P2RX7: variants seen among roughly 807,000 people sequenced by gnomAD.
P2RX7 encodes purinergic receptor P2X 7.
Under a neutral mutation model 71.6 loss-of-function variants are expected in P2RX7, and 62 were observed. The ratio of observed to expected loss-of-function variants is 0.87; its 90% CI spans 0.71 to 1.07. The LOEUF is 1.07. Ranked by LOEUF, P2RX7 falls within the 50% of genes least tolerant of loss-of-function variation. The probability of loss-of-function intolerance (pLI) is 0.00; values close to 1 mark genes in which losing one functional copy is unlikely to be tolerated. For synonymous variants in P2RX7, 299 were observed against 283.3 expected, an observed-to-expected ratio of 1.06 and a Z score of -0.56; for missense variants, 686 against 748.5, an observed-to-expected ratio of 0.92 and a Z score of 0.97.
intron 8 of P2RX7, among the ~76,000 whole-genome samples, chr12:121,173,529 C>G (rs1882560388): frequency 6.6e-6 from 1 of 152,124 alleles, no homozygotes; most frequent in Non-Finnish European, 1.5e-5. Context: ...TGGGGCCACA[C>G]CACACCATAC....
chr12:121,167,465 A>G (rs1239860541), intron 7 of P2RX7, 23 bp from the exon 8 acceptor site: 2 of 1,613,224 alleles, frequency 1.2e-6, no homozygotes, highest in African/African-American at 2.7e-5. Flanking sequence ...AGCCATAGAG[A>G]CTGTCCCTTG....
At chr12:121,138,161 T>C (rs1874094452) in intron 1 of P2RX7, among the ~76,000 whole-genome samples, 1 of 152,222 alleles carries the variant, frequency 6.6e-6, no homozygotes, top group African/African-American at 2.4e-5. Flanking sequence ...TATTGGATCA[T>C]GTAACTGGCC....
chr12:121,143,636 G>A (rs1325245008), intron 1 of P2RX7, among the ~76,000 whole-genome samples: 1 of 151,610 alleles, frequency 6.6e-6, no homozygotes. Flanking sequence ...GATCACCTGA[G>A]GTCAGGAGTT....
At chr12:121,174,048 CT>C (rs141344773) in intron 8 of P2RX7, among the ~76,000 whole-genome samples, 24,586 of 73,846 alleles carry the variant, frequency 0.33, 1,803 homozygotes, top group South Asian at 0.49. Context: ...CTTTTCTTTT[CT>C]TTTTTTTTTT....
chr12:121,136,023 A>AAAAAAAAAAAAAAAATATAT, intron 1 of P2RX7, among the ~76,000 whole-genome samples: 9 of 15,262 alleles, frequency 5.9e-4, no homozygotes, highest in South Asian at 5.4e-3. Context: ...AAAAAAAAAA[A>AAAAAAAAAAAAAAAATATAT]ATATATATAT....
In P2RX7 at chr12:121,175,478, C is replaced by G. The variant is rs201681434; in HGVS notation, c.972C>G (p.Thr324=). The change falls in exon 9 of 13, where the codon ACC becomes ACG. Residue 324 remains threonine, a splice_region_variant and synonymous_variant. Coordinates refer to ENST00000328963, the MANE Select transcript of P2RX7 (RefSeq NM_002562.6). ...GIRFDILVFG[T]GGKFDIIQLV... ...GTTTTGACATCCTGGTTTTTGGCACCGTAAGTCTCGTTTCCCAGCTCCGGG... is the reference window on the plus strand; with the variant it reads ...GTTTTGACATCCTGGTTTTTGGCACGGTAAGTCTCGTTTCCCAGCTCCGGG... 8 of 1,268,768 alleles carry G rather than the reference C, an allele frequency of 6.3e-6. No individual in the cohort carries two copies. Among genetic ancestry groups the G allele is most frequent in the Non-Finnish European group, 9.3e-6 (8 of 864,650 alleles). 78.6% of individuals were successfully genotyped at this position (1,268,768 alleles called of 1,614,324 possible). A position where few individuals can be genotyped will look rare whatever the true frequency, so the allele number is the denominator to read the frequency against.
intron 1 of P2RX7, among the ~76,000 whole-genome samples, chr12:121,145,859 G>T (rs1326893893): frequency 6.6e-6 from 1 of 152,084 alleles, no homozygotes; most frequent in Non-Finnish European, 1.5e-5. Context: ...GCATGGAGTG[G>T]TGGTAGGATG....
chr12:121,187,708 A>C lies in P2RX7; in HGVS notation c.*2906A>C, dbSNP rs1168379822. On this transcript the variant is annotated 3_prime_UTR_variant, in exon 13 of 13. Transcript: ENST00000328963. ...TATGTCAGACACGTCCTACAATAAC[A>C]GGCGTCATATTTGTATTATTTTTAG... is the stretch of plus-strand genomic sequence containing the variant. The C allele has an allele frequency of 6.6e-6, 1 of 152,232 alleles. No individual in the cohort carries two copies. The highest frequency in any genetic ancestry group is 2.4e-5 in the African/African-American group (1 of 41,472). 9.4% of individuals were successfully genotyped at this position (152,232 alleles called of 1,614,324 possible). A position where few individuals can be genotyped will look rare whatever the true frequency, so the allele number is the denominator to read the frequency against.
In P2RX7 at chr12:121,187,748, T is replaced by C. The variant is rs1431174617; in HGVS notation, c.*2946T>C. 5.3e-5 allele frequency: 8 copies of C among 152,142 alleles called. No homozygotes were observed. Among genetic ancestry groups the C allele is most frequent in the Non-Finnish European group, 1.2e-4 (8 of 68,016 alleles). 9.4% of individuals were successfully genotyped at this position (152,142 alleles called of 1,614,324 possible). A position where few individuals can be genotyped will look rare whatever the true frequency, so the allele number is the denominator to read the frequency against. The stretch of plus-strand genomic sequence containing the variant: ...ATTATTTTTAGTTTACTGTAGAAAA[T>C]AATGTCACCGCCAAAGGTGATGAGA... On this transcript the variant is annotated 3_prime_UTR_variant, in exon 13 of 13. Coordinates refer to ENST00000328963, the MANE Select transcript of P2RX7 (RefSeq NM_002562.6).
Position 121,160,935 on chromosome 12 carries a change from C to T in P2RX7, c.397C>T (p.Arg133Ter), listed in dbSNP as rs200430009. 8.1e-6 allele frequency: 13 copies of T among 1,613,974 alleles called. No individual in the cohort carries two copies. In the African/African-American group the frequency reaches 9.3e-5, roughly 12 times the overall value. The change falls in exon 4 of 13, where the codon CGA becomes TGA. Residue 133 changes from arginine (R) to a stop codon, truncating the protein, a stop_gained. Transcript: ENST00000328963. LOFTEE classifies it high-confidence loss of function. ...CCGCAGGACGCTCTGTTCCTCTGAC[C>T]GAGGTTGTAAAAAGGGATGGATGGA... is the stretch of plus-strand genomic sequence containing the variant. Reference protein sequence around the residue: ...PTRRTLCSSDRGCKKGWMDPQ... With the variant: ...PTRRTLCSSD
chr12:121,166,021 G>T, intron 6 of P2RX7, 37 bp from the exon 7 acceptor site: 1 of 1,583,478 alleles, frequency 6.3e-7, no homozygotes, highest in Non-Finnish European at 8.6e-7. Context: ...TTTCAATCGA[G>T]ATGTTTGTTT....
At position 121,136,023 on chromosome 12, in the gene P2RX7, A is replaced by AAAAAAAAAAAAAAAAAAAAATATATAT; in HGVS notation, c.125+2929_125+2930insAAAAAAAAAAAAAAAAAAATATATATA. Among the ~76,000 whole-genome samples the AAAAAAAAAAAAAAAAAAAAATATATAT allele has an allele frequency of 2.0e-4, 3 of 15,262 alleles. 1 individual carries two copies. Among genetic ancestry groups the AAAAAAAAAAAAAAAAAAAAATATATAT allele is most frequent in the Non-Finnish European group, 1.8e-4 (1 of 5,448 alleles). The allele number at this position is 15,262 out of a possible 152,430, so 10.0% of individuals were successfully genotyped here. ...TGTCTCAAAAAAAAAAAAAAAAAAA[A>AAAAAAAAAAAAAAAAAAAAATATATAT]ATATATATATATATATATAGTATTT... On this transcript the variant is annotated intron_variant, in intron 1 of 12. Transcript: ENST00000328963.
chr12:121,165,295 G>A (rs1880769281), intron 5 of P2RX7, 62 bp from the exon 6 acceptor site: 1 of 1,303,690 alleles, frequency 7.7e-7, no homozygotes, highest in African/African-American at 1.5e-5. Flanking sequence ...TGGTCCCACT[G>A]GCCCATGGGC....
intron 8 of P2RX7, among the ~76,000 whole-genome samples, chr12:121,173,161 G>A (rs767971407): frequency 6.6e-6 from 1 of 150,856 alleles, no homozygotes; most frequent in Admixed American, 6.6e-5. Flanking sequence ...AGAGGTCAAT[G>A]CCACTCAAAG....
At chr12:121,157,155 T>G (rs1443418459) in intron 3 of P2RX7, among the ~76,000 whole-genome samples, 1 of 152,190 alleles carries the variant, frequency 6.6e-6, no homozygotes, top group Non-Finnish European at 1.5e-5. Flanking sequence ...GTAACGTAAC[T>G]GTGCTGTACC....
chr12:121,156,218 A>G, intron 3 of P2RX7, 71 bp downstream of exon 3: 1 of 1,223,836 alleles, frequency 8.2e-7, no homozygotes, highest in Middle Eastern at 2.2e-4. Flanking sequence ...CGGAAGAAGC[A>G]GAAATGCGGA....
chr12:121,153,884 T>C (rs181900566), intron 1 of P2RX7, among the ~76,000 whole-genome samples: 1 of 152,208 alleles, frequency 6.6e-6, no homozygotes, highest in East Asian at 1.9e-4. Flanking sequence ...AGGCTCAACA[T>C]GTTGGCAGGA....
Position 121,154,128 on chromosome 12 carries a change from T to TAA in P2RX7, c.126-648_126-647dup, listed in dbSNP as rs202202448. On this transcript the variant is annotated intron_variant, in intron 1 of 12. Coordinates refer to ENST00000328963, the MANE Select transcript of P2RX7 (RefSeq NM_002562.6). The surrounding 1 kb of genome is among the most constrained non-coding windows in gnomAD (Gnocchi z 4.2). ...ACAGAGCAAGGCCCTTTCTCTGGAATAAAAAAAAAAGAGAGGCTGGGCGCA... is the reference window on the plus strand; with the variant it reads ...ACAGAGCAAGGCCCTTTCTCTGGAATAAAAAAAAAAAAGAGAGGCTGGGCGCA... 7.0e-6 allele frequency among the ~76,000 whole-genome samples: 1 copy of TAA among 142,370 alleles called. No homozygotes were observed. The highest frequency in any genetic ancestry group is 2.2e-4 in the South Asian group (1 of 4,512). 93.4% of individuals were successfully genotyped at this position (142,370 alleles called of 152,430 possible). A position where few individuals can be genotyped will look rare whatever the true frequency, so the allele number is the denominator to read the frequency against.
chr12:121,148,378 CT>C (rs1565944248), intron 1 of P2RX7, among the ~76,000 whole-genome samples: 1 of 151,870 alleles, frequency 6.6e-6, no homozygotes. Context: ...CCGCACCTAG[CT>C]AATTTTTGCC....
Sources: gnomAD v4.1 joint callset for allele counts (sites outside exome capture counted in the v4.1 genomes callset) on GRCh38, gnomAD v4.1.1 for gene constraint, Gnocchi (gnomAD v3.1) non-coding constraint, MANE v1.5 for transcripts, NCBI Gene and HGNC (gene_info 2026-07-23, HGNC 2026-07-21) for gene names.